Variants in KCNH8 observed in about 807,000 individuals in gnomAD.
KCNH8 encodes voltage-gated delayed rectifier potassium channel KCNH8.
In KCNH8, 70 loss-of-function variants were observed where a neutral mutation model predicts 103.6. The observed-to-expected ratio is 0.68, with a 90% CI of 0.56 to 0.82. The LOEUF is 0.82. Ranked by LOEUF, KCNH8 falls within the 40% of genes least tolerant of loss-of-function variation. The pLI, the probability that KCNH8 is intolerant of heterozygous loss-of-function variation, is 0.00. For missense variants in KCNH8, 1,217 were observed against 1,329.9 expected (o/e 0.92, Z 1.32); for synonymous variants, 498 against 489.4 (o/e 1.02, Z -0.23).
chr3:19,195,943 C>A (rs74455049), intron 1 of KCNH8, among the ~76,000 whole-genome samples: 3 of 152,052 alleles, frequency 2.0e-5, no homozygotes, highest in South Asian at 2.1e-4. Context: ...CTTCTTCTAG[C>A]CTTCTTGCAG....
intron 3 of KCNH8, among the ~76,000 whole-genome samples, chr3:19,306,541 A>C (rs892097367): frequency 2.0e-5 from 3 of 152,088 alleles, no homozygotes; most frequent in African/African-American, 7.2e-5. Flanking sequence ...ATCTCTCCCT[A>C]AAGCCTGACC....
intron 15 of KCNH8, among the ~76,000 whole-genome samples, chr3:19,519,842 AACTG>A (rs780476783): frequency 3.3e-5 from 5 of 151,912 alleles, no homozygotes; most frequent in East Asian, 1.9e-4. Flanking sequence ...TAATTTTAAA[AACTG>A]ACTGACCTAT....
At chr3:19,294,261 G>A (rs2064967034) in intron 3 of KCNH8, among the ~76,000 whole-genome samples, 1 of 152,268 alleles carries the variant, frequency 6.6e-6, no homozygotes, top group East Asian at 1.9e-4. Flanking sequence ...TCACCAAAAG[G>A]AGAGACATTA....
At chr3:19,321,888 T>C (rs1358018809) in intron 3 of KCNH8, among the ~76,000 whole-genome samples, 1 of 152,100 alleles carries the variant, frequency 6.6e-6, no homozygotes, top group African/African-American at 2.4e-5. Context: ...ATATTTAGGA[T>C]TGTGATATTT....
chr3:19,387,878 TTTTAAAA>T (rs2066379006), intron 5 of KCNH8, among the ~76,000 whole-genome samples: 1 of 152,142 alleles, frequency 6.6e-6, no homozygotes, highest in South Asian at 2.1e-4. Context: ...ATAAATTGTT[TTTTAAAA>T]AGCTCTTTAA....
intron 11 of KCNH8, among the ~76,000 whole-genome samples, chr3:19,497,567 T>A (rs1176248433): frequency 6.6e-6 from 1 of 152,198 alleles, no homozygotes; most frequent in East Asian, 1.9e-4. Flanking sequence ...ATTTTCTTAA[T>A]GTTGATTTCT....
intron 11 of KCNH8, among the ~76,000 whole-genome samples, chr3:19,469,186 T>C (rs2067804182): frequency 6.6e-6 from 1 of 152,204 alleles, no homozygotes; most frequent in African/African-American, 2.4e-5. Flanking sequence ...GAAAATTGCA[T>C]ACTAAAGGAC....
chr3:19,359,423 TAAC>T (rs1317426019), intron 5 of KCNH8, among the ~76,000 whole-genome samples: 1 of 152,104 alleles, frequency 6.6e-6, no homozygotes, highest in Middle Eastern at 3.4e-3. Flanking sequence ...ATAGCTATAA[TAAC>T]ACGCAGTATC....
At position 19,436,733 on chromosome 3, in the gene KCNH8, CAT is replaced by C. The variant is rs199560896; in HGVS notation, c.1178-1430_1178-1429del. Among the ~76,000 whole-genome samples, 430 of 152,304 alleles carry C rather than the reference CAT, an allele frequency of 2.8e-3. 3 individuals are homozygous for C. Among genetic ancestry groups the C allele is most frequent in the African/African-American group, 0.01 (417 of 41,566 alleles). ...CACTTCAGAGACACACCATCTCACACATGTGTAAATGAACAGACATTGAGTAA... is the reference window on the plus strand; with the variant it reads ...CACTTCAGAGACACACCATCTCACACGTGTAAATGAACAGACATTGAGTAA... On this transcript the variant is annotated intron_variant, in intron 7 of 15. Coordinates refer to ENST00000328405, the MANE Select transcript of KCNH8 (RefSeq NM_144633.3).
At position 19,533,630 on chromosome 3, in the gene KCNH8, G is replaced by C; in HGVS notation, c.2855G>C (p.Ser952Thr). 1 of 1,614,186 alleles carries C rather than the reference G, an allele frequency of 6.2e-7. No homozygotes were observed. Among genetic ancestry groups the C allele is most frequent in the East Asian group, 2.2e-5 (1 of 44,870 alleles). ...TATACCCAAGCACAACTTTGTAGCAGTAATATCACCTCAGACATTTGGAGT... is the reference window on the plus strand; with the variant it reads ...TATACCCAAGCACAACTTTGTAGCACTAATATCACCTCAGACATTTGGAGT... ...AAYTQAQLCS[S>T]NITSDIWSVD... The change falls in exon 16 of 16, where the codon AGT becomes ACT. Residue 952 changes from serine to threonine, a missense_variant. Coordinates refer to ENST00000328405, the MANE Select transcript of KCNH8 (RefSeq NM_144633.3).
intron 1 of KCNH8, among the ~76,000 whole-genome samples, chr3:19,189,232 T>C (rs1216058650): frequency 6.6e-6 from 1 of 152,072 alleles, no homozygotes; most frequent in Non-Finnish European, 1.5e-5. Flanking sequence ...ACATATTCAA[T>C]GAATATTCAA....
chr3:19,357,828 A>G (rs553767715), intron 5 of KCNH8, among the ~76,000 whole-genome samples: 1 of 152,042 alleles, frequency 6.6e-6, no homozygotes, highest in South Asian at 2.1e-4. Context: ...AAAAAACAGG[A>G]TAGCGTAATG....
chr3:19,295,473 T>C lies in KCNH8; in HGVS notation c.442+14144T>C, dbSNP rs953008079. Among the ~76,000 whole-genome samples, 15 of 152,190 alleles carry C rather than the reference T, an allele frequency of 9.9e-5. 1 individual carries two copies. The highest frequency in any genetic ancestry group is 8.8e-5 in the Non-Finnish European group (6 of 68,026). On this transcript the variant is annotated intron_variant, in intron 3 of 15. Coordinates refer to ENST00000328405, the MANE Select transcript of KCNH8 (RefSeq NM_144633.3). ...GCCAGAGCCATATAACTTGACCGCCTGTATGGATATACATTCTTGATGATG... is the reference window on the plus strand; with the variant it reads ...GCCAGAGCCATATAACTTGACCGCCCGTATGGATATACATTCTTGATGATG...
At chr3:19,243,514 C>G (rs943459070) in intron 1 of KCNH8, among the ~76,000 whole-genome samples, 6 of 152,160 alleles carry the variant, frequency 3.9e-5, no homozygotes, top group African/African-American at 1.4e-4. Context: ...TACTGCAAAG[C>G]AGAGAATACA....
intron 11 of KCNH8, among the ~76,000 whole-genome samples, chr3:19,492,005 C>G (rs2068333343): frequency 6.6e-6 from 1 of 152,254 alleles, no homozygotes; most frequent in Admixed American, 6.5e-5. Flanking sequence ...CTTTTGCTCA[C>G]TTTTTAATGG....
At chr3:19,276,173 A>ATG (rs1270158131) in intron 2 of KCNH8, among the ~76,000 whole-genome samples, 82 of 107,220 alleles carry the variant, frequency 7.6e-4, no homozygotes, top group African/African-American at 2.3e-3. Context: ...CCCAATATGT[A>ATG]TATGTGTGTG....
chr3:19,483,007 T>C (rs1430583324), intron 11 of KCNH8, among the ~76,000 whole-genome samples: 1 of 152,104 alleles, frequency 6.6e-6, no homozygotes, highest in African/African-American at 2.4e-5. Context: ...AGCAGGCCTA[T>C]GATATTGTAT....
At chr3:19,225,951 A>T (rs886369494) in intron 1 of KCNH8, among the ~76,000 whole-genome samples, 1 of 152,226 alleles carries the variant, frequency 6.6e-6, no homozygotes, top group Non-Finnish European at 1.5e-5. Context: ...GGTGTTTATT[A>T]TGAATTCAAT....
At chr3:19,438,979 A>G (rs1481702397) in intron 8 of KCNH8, among the ~76,000 whole-genome samples, 1 of 152,244 alleles carries the variant, frequency 6.6e-6, no homozygotes, top group Non-Finnish European at 1.5e-5. Context: ...GGTATTAGTA[A>G]GATCCAGCAG....
Sources: allele counts gnomAD v4.1 joint callset (sites outside exome capture counted in the v4.1 genomes callset), GRCh38; gene constraint gnomAD v4.1.1; transcripts MANE v1.5; gene names NCBI Gene and HGNC (gene_info 2026-07-23, HGNC 2026-07-21).